Variants in CFAP92 observed in about 807,000 individuals in gnomAD.
CFAP92 encodes cilia and flagella associated protein 92 (putative).
Under a neutral mutation model 106.3 loss-of-function variants are expected in CFAP92, and 86 were observed. The observed-to-expected ratio is 0.81, with a 90% CI of 0.68 to 0.97. CFAP92 has a LOEUF of 0.97. Ranked by LOEUF, CFAP92 falls within the 50% of genes least tolerant of loss-of-function variation. CFAP92 has a pLI of 0.00. For synonymous variants in CFAP92, 477 were observed against 506.4 expected (o/e 0.94, Z 0.78); for missense variants, 1,204 against 1,283.8 (o/e 0.94, Z 0.95).
chr3:128,956,246 A>G (rs1941410143), intron 9 of CFAP92, among the ~76,000 whole-genome samples: 1 of 149,684 alleles, frequency 6.7e-6, no homozygotes, highest in Non-Finnish European at 1.5e-5. Flanking sequence ...GAAAGAAAAA[A>G]AGAAATTACC....
At chr3:128,996,378 C>T (rs942120261), upstream of CFAP92, among the ~76,000 whole-genome samples, 7 of 152,264 alleles carry the variant, frequency 4.6e-5, no homozygotes, top group Non-Finnish European at 7.4e-5. Flanking sequence ...ATAATAGGAA[C>T]GGGAGCCATA....
chr3:128,915,063 GCTC>G lies in CFAP92; in HGVS notation c.3280+53_3280+55del. 2.7e-6 allele frequency: 4 copies of G among 1,504,862 alleles called. No homozygotes were observed. The South Asian group carries it at 4.9e-5, about 18-fold the overall frequency. 93.2% of individuals were successfully genotyped at this position (1,504,862 alleles called of 1,614,324 possible). ...CACTGAAGATGCAGAGTGGCACAGA[GCTC>G]CTGCCTGCCCACGGCATCAGGAGGC... On this transcript the variant is annotated intron_variant, in intron 15 of 15. Coordinates refer to ENST00000645291, the MANE Select transcript of CFAP92 (RefSeq NM_001394090.1).
Position 128,946,774 on chromosome 3 carries a change from G to A in CFAP92, c.1354-799C>T, listed in dbSNP as rs113783448. On this transcript the variant is annotated intron_variant, in intron 9 of 15. Transcript: ENST00000645291. The stretch of plus-strand genomic sequence containing the variant: ...CCATCAAGAAAGTTCCATTGAACAC[G>A]AGATCATGGTAAAAATCACAGAACA... Among the ~76,000 whole-genome samples the A allele has an allele frequency of 2.4e-3, 360 of 152,214 alleles. 2 individuals carry two copies. Among genetic ancestry groups the A allele is most frequent in the South Asian group, 7.5e-3 (36 of 4,828 alleles).
chr3:129,015,679 C>T, the CFAP92 span, among the ~76,000 whole-genome samples: 1 of 152,104 alleles, frequency 6.6e-6, no homozygotes, highest in Non-Finnish European at 1.5e-5. Flanking sequence ...GGGGGGTTCC[C>T]GAATTCAGGT....
At chr3:129,001,700 GCGGC>G in intron 1 of CFAP92, 2 of 1,498,782 alleles carry the variant, frequency 1.3e-6, no homozygotes, top group Non-Finnish European at 1.8e-6. Context: ...GGCGACCTGC[GCGGC>G]GCACGCAGTG....
chr3:128,988,931 G>A lies in CFAP92; in HGVS notation c.263-13C>T. On this transcript the variant is annotated splice_polypyrimidine_tract_variant and intron_variant, in intron 2 of 15. Transcript: ENST00000645291. The stretch of plus-strand genomic sequence containing the variant: ...TTTCCCTTCTGACCTTGAAGATACA[G>A]ATTGAAAAAGTCTCGTTTTAACCTC... 1 of 1,600,350 alleles carries A rather than the reference G, an allele frequency of 6.2e-7. No homozygotes were observed. Among genetic ancestry groups the A allele is most frequent in the Non-Finnish European group, 8.5e-7 (1 of 1,169,980 alleles).
intron 9 of CFAP92, among the ~76,000 whole-genome samples, chr3:128,951,574 C>T (rs769684980): frequency 9.2e-5 from 14 of 152,140 alleles, no homozygotes; most frequent in Non-Finnish European, 1.9e-4. Flanking sequence ...GATCCTGGGT[C>T]TTCTATTTGC....
Position 128,976,978 on chromosome 3 carries a change from C to G in CFAP92, c.896+1G>C. 1 of 1,612,640 alleles carries G rather than the reference C, an allele frequency of 6.2e-7. No individual in the cohort carries two copies. The highest frequency in any genetic ancestry group is 8.5e-7 in the Non-Finnish European group (1 of 1,178,700). ...CACCCAAAATATCGTTCAATCCTTA[C>G]TGAATCGTGGAAGAATCGTCCATTT... On this transcript the variant is annotated splice_donor_variant, in intron 6 of 15. Coordinates refer to ENST00000645291, the MANE Select transcript of CFAP92 (RefSeq NM_001394090.1). LOFTEE classifies it high-confidence loss of function.
intron 2 of CFAP92, among the ~76,000 whole-genome samples, chr3:128,989,127 G>T (rs1403849150): frequency 6.6e-6 from 1 of 152,054 alleles, no homozygotes; most frequent in Non-Finnish European, 1.5e-5. Flanking sequence ...TAGGTGCATG[G>T]TTTTCAGAGT....
chr3:128,922,015 G>A lies in CFAP92; in HGVS notation c.2752-5744C>T, dbSNP rs541265350. Among the ~76,000 whole-genome samples the A allele has an allele frequency of 5.9e-5, 9 of 152,142 alleles. No homozygotes were observed. The East Asian group carries it at 1.5e-3, about 26-fold the overall frequency. On this transcript the variant is annotated intron_variant, in intron 12 of 15. Coordinates refer to ENST00000645291, the MANE Select transcript of CFAP92 (RefSeq NM_001394090.1). ...AAATTTAAGAGGTGTCAGTGCATAC[G>A]GGAATAATTGACTCTGATTATACCG...
intron 12 of CFAP92, among the ~76,000 whole-genome samples, chr3:128,917,030 C>T (rs557425288): frequency 4.3e-4 from 66 of 152,204 alleles, no homozygotes; most frequent in African/African-American, 1.6e-3. Flanking sequence ...AATTAATGCA[C>T]AAGAATTTAA....
chr3:128,951,407 G>C (rs1940790164), intron 9 of CFAP92, among the ~76,000 whole-genome samples: 1 of 152,138 alleles, frequency 6.6e-6, no homozygotes, highest in Non-Finnish European at 1.5e-5. Context: ...CAGCTTCACG[G>C]GTAAAAATAC....
In CFAP92 at chr3:128,910,100, C is replaced by T. The variant is rs368227855; in HGVS notation, c.*199G>A. 7 of 1,613,560 alleles carry T rather than the reference C, an allele frequency of 4.3e-6. No individual in the cohort carries two copies. Among genetic ancestry groups the T allele is most frequent in the African/African-American group, 2.7e-5 (2 of 74,946 alleles). ...CTGTATGGCATGACGGCCGTGCTGT[C>T]GCGGGCCAGCCGCTCCATCCGCATT... is the stretch of plus-strand genomic sequence containing the variant. On this transcript the variant is annotated 3_prime_UTR_variant, in exon 16 of 16. Transcript: ENST00000645291.
At chr3:128,988,394 AG>A (rs1333075413) in intron 3 of CFAP92, among the ~76,000 whole-genome samples, 1 of 152,164 alleles carries the variant, frequency 6.6e-6, no homozygotes, top group African/African-American at 2.4e-5. Flanking sequence ...TACAAAAACT[AG>A]CTGGGCATGG....
chr3:128,944,022 T>C (rs917582838), intron 10 of CFAP92, among the ~76,000 whole-genome samples: 1 of 147,254 alleles, frequency 6.8e-6, no homozygotes, highest in Admixed American at 6.8e-5. Context: ...CTCCGCCTCC[T>C]GGGCTCAAGT....
chr3:128,945,902 T>C lies in CFAP92; in HGVS notation c.1427A>G (p.His476Arg), dbSNP rs570226426. The C allele has an allele frequency of 2.3e-5, 34 of 1,464,422 alleles. No individual in the cohort carries two copies. Among genetic ancestry groups the C allele is most frequent in the Non-Finnish European group, 3.0e-5 (33 of 1,116,264 alleles). 90.7% of individuals were successfully genotyped at this position (1,464,422 alleles called of 1,614,324 possible). A position where few individuals can be genotyped will look rare whatever the true frequency, so the allele number is the denominator to read the frequency against. Residue 476 changes from histidine (H) to arginine (R), a missense_variant, in exon 10 of 16, where the codon CAT becomes CGT. Transcript: ENST00000645291. ...GTCCTGGAAATAAACGTGGGTTCCA[T>C]GGGGCTCCCCCTTGGTCTTGTGAAC... is the stretch of plus-strand genomic sequence containing the variant. ...TPVHKTKGEPHGTHVYFQDIN... is the reference protein window; with the variant it reads ...TPVHKTKGEPRGTHVYFQDIN...
chr3:128,942,469 G>C (rs904346188), intron 10 of CFAP92, among the ~76,000 whole-genome samples: 9 of 152,136 alleles, frequency 5.9e-5, no homozygotes, highest in Non-Finnish European at 1.2e-4. Flanking sequence ...TCCTGATTCT[G>C]CATGACCCAA....
intron 4 of CFAP92, among the ~76,000 whole-genome samples, chr3:128,979,276 C>T (rs1228674397): frequency 6.6e-6 from 1 of 152,112 alleles, no homozygotes; most frequent in African/African-American, 2.4e-5. Flanking sequence ...GAATGGCGAT[C>T]ATTAAAAAGT....
At chr3:128,953,064 G>T (rs1940967068) in intron 9 of CFAP92, among the ~76,000 whole-genome samples, 1 of 151,880 alleles carries the variant, frequency 6.6e-6, no homozygotes, top group Non-Finnish European at 1.5e-5. Context: ...GACAGAGTAA[G>T]ACTCCAACTC....
Sources: allele counts gnomAD v4.1 joint callset (sites outside exome capture counted in the v4.1 genomes callset), GRCh38; gene constraint gnomAD v4.1.1; transcripts MANE v1.5; gene names NCBI Gene and HGNC (gene_info 2026-07-23, HGNC 2026-07-21).